The following FANCM variants were observed in gnomAD, a reference collection of about 807,000 sequenced individuals.
The protein encoded by FANCM is Fanconi anemia group M protein.
A neutral mutation model predicts 199.5 loss-of-function variants in FANCM; 140 were observed. That is an observed-to-expected ratio of 0.70 (90% confidence interval 0.61 to 0.81). The LOEUF is 0.81. Among genes scored for constraint, FANCM ranks in the 30% least tolerant of loss-of-function variants. The pLI is 0.00. For synonymous variants in FANCM, 840 were observed against 836.8 expected (o/e 1.00, Z -0.07); for missense variants, 2,410 against 2,421.4 (o/e 1.00, Z 0.10).
At chr14:45,166,833 A>T in intron 10 of FANCM, 117 bp from the exon 11 acceptor site, 1 of 682,210 alleles carries the variant, frequency 1.5e-6, no homozygotes, top group Non-Finnish European at 2.5e-6. Context: ...TAAGTATTTA[A>T]GTGGATCGGG....
intron 14 of FANCM, among the ~76,000 whole-genome samples, chr14:45,180,503 G>GTGGTGCAATCACGACTCACTGC (rs1888999509): frequency 6.6e-6 from 1 of 151,812 alleles, no homozygotes; most frequent in Non-Finnish European, 1.5e-5. Context: ...CTAGATTGTA[G>GTGGTGCAATCACGACTCACTGC]TGGTGCAATC....
rs750439394 is a variant in FANCM, at chr14:45,189,382, A to T, written c.5340+20A>T. On this transcript the variant is annotated intron_variant, in intron 20 of 22. Transcript: ENST00000267430. ...CAGAAGGTATGGATCAAAGAAAGGA[A>T]AAATATCTTTAGATGGTTACCAGAA... 6.5e-7 allele frequency: 1 copy of T among 1,547,522 alleles called. No homozygotes were observed. Among genetic ancestry groups the T allele is most frequent in the Non-Finnish European group, 8.9e-7 (1 of 1,119,724 alleles).
At chr14:45,198,247 A>C (rs1049136442) in intron 21 of FANCM, among the ~76,000 whole-genome samples, 1 of 152,208 alleles carries the variant, frequency 6.6e-6, no homozygotes, top group Non-Finnish European at 1.5e-5. Context: ...GATGATGTTA[A>C]AATGGGTGTA....
intron 20 of FANCM, chr14:45,195,642 C>G (rs1266058212): frequency 2.3e-6 from 1 of 437,082 alleles, no homozygotes; most frequent in Non-Finnish European, 4.6e-6. Flanking sequence ...TTTTTGACCT[C>G]GGTGCATTCC....
intron 16 of FANCM, among the ~76,000 whole-genome samples, chr14:45,182,437 G>A (rs1340411876): frequency 6.6e-6 from 1 of 152,240 alleles, no homozygotes; most frequent in Non-Finnish European, 1.5e-5. Context: ...AGTCCAGGAT[G>A]ACTCTGGTTT....
chr14:45,176,159 G>C lies in FANCM; in HGVS notation c.3405G>C (p.Leu1135=). 6.2e-7 allele frequency: 1 copy of C among 1,613,880 alleles called. No homozygotes were observed. The highest frequency in any genetic ancestry group is 8.5e-7 in the Non-Finnish European group (1 of 1,179,914). The change falls in exon 14 of 23, where the codon CTG becomes CTC. Residue 1135 remains leucine (L), a synonymous_variant. Transcript: ENST00000267430. The part of the protein sequence containing the change: ...VLSTDQDESL[L]LFEDVNTEFD... ...CCACTGATCAAGATGAAAGTTTGCT[G>C]TTATTTGAAGATGTTAATACAGAGT... is the stretch of plus-strand genomic sequence containing the variant.
chr14:45,172,245 C>CAA lies in FANCM; in HGVS notation c.2161-807_2161-806dup, dbSNP rs1305822948. On this transcript the variant is annotated intron_variant, in intron 12 of 22. Coordinates refer to ENST00000267430, the MANE Select transcript of FANCM (RefSeq NM_020937.4). ...TGGGTTGTCTGTTTACTCTGCTGTG[C>CAA]AAAAGCATTTAGTTTAATTTAGCCC... is the stretch of plus-strand genomic sequence containing the variant. Among the ~76,000 whole-genome samples, 4 of 152,234 alleles carry CAA rather than the reference C, an allele frequency of 2.6e-5. No homozygotes were observed. The East Asian group carries it at 7.7e-4, about 29-fold the overall frequency.
intron 4 of FANCM, 93 bp from the exon 5 acceptor site, chr14:45,151,304 A>G (rs936279193): frequency 4.9e-6 from 5 of 1,021,592 alleles, no homozygotes; most frequent in African/African-American, 1.6e-5. Context: ...ACTTTATTAA[A>G]TATATAATTC....
intron 20 of FANCM, 135 bp downstream of exon 20, chr14:45,189,497 C>A: frequency 1.5e-6 from 1 of 684,284 alleles, no homozygotes. Context: ...AAAATGTCTT[C>A]AAACAAGAAA....
rs1261770538 is a variant in FANCM, at chr14:45,170,664, G to A, written c.2078G>A (p.Arg693Lys). 7 of 1,603,860 alleles carry A rather than the reference G, an allele frequency of 4.4e-6. No homozygotes were observed. The South Asian group carries it at 7.7e-5, about 18-fold the overall frequency. ...EEFKLWNRLY[R>K]LRDSDEIKEI... Reference sequence around the variant, plus strand: ...TTTAAATTATGGAACAGACTTTATAGATTAAGGGACAGTGATGAAATTAAA... The same window carrying A: ...TTTAAATTATGGAACAGACTTTATAAATTAAGGGACAGTGATGAAATTAAA... The change falls in exon 12 of 23, where the codon AGA becomes AAA. Residue 693 changes from arginine (R) to lysine (K), a missense_variant. Coordinates refer to ENST00000267430, the MANE Select transcript of FANCM (RefSeq NM_020937.4).
chr14:45,137,265 TTTGTA>T, intron 2 of FANCM, 24 bp downstream of exon 2: 2 of 1,599,238 alleles, frequency 1.3e-6, no homozygotes, highest in Non-Finnish European at 1.7e-6. Flanking sequence ...TAAACGGTAT[TTTGTA>T]TTGTAACTGT....
intron 20 of FANCM, 53 bp from the exon 21 acceptor site, chr14:45,196,119 T>C: frequency 6.3e-7 from 1 of 1,598,634 alleles, no homozygotes; most frequent in Middle Eastern, 1.7e-4. Flanking sequence ...GAGACGTTTA[T>C]GGCATTTTTA....
At chr14:45,139,539 A>G (rs1885762065) in intron 2 of FANCM, among the ~76,000 whole-genome samples, 1 of 152,240 alleles carries the variant, frequency 6.6e-6, no homozygotes, top group South Asian at 2.1e-4. Flanking sequence ...CCCAGTATTA[A>G]TCATACTAGA....
rs1053161580 is a variant in FANCM at position 45,136,109 on chromosome 14, C to T, written c.78C>T (p.Ser26=). The T allele has an allele frequency of 6.2e-7, 1 of 1,614,112 alleles. No homozygotes were observed. The highest frequency in any genetic ancestry group is 8.5e-7 in the Non-Finnish European group (1 of 1,180,010). Residue 26 remains serine, a synonymous_variant, in exon 1 of 23, where the codon AGC becomes AGT. Coordinates refer to ENST00000267430, the MANE Select transcript of FANCM (RefSeq NM_020937.4). ...ISRSSGTPGC[S]SGTERPQSPG... The stretch of plus-strand genomic sequence containing the variant: ...GATCATCTGGGACTCCGGGTTGCAG[C>T]TCCGGAACTGAGCGACCTCAGAGCC...
intron 17 of FANCM, 130 bp downstream of exon 17, chr14:45,184,032 G>T (rs1889233299): frequency 1.1e-5 from 7 of 640,020 alleles, no homozygotes; most frequent in Middle Eastern, 4.3e-4. Context: ...CACCCATTTA[G>T]ATTTTTTTTA....
intron 11 of FANCM, among the ~76,000 whole-genome samples, chr14:45,169,026 A>G (rs1888166490): frequency 6.6e-6 from 1 of 151,984 alleles, no homozygotes; most frequent in East Asian, 1.9e-4. Context: ...GGTTCAAGCA[A>G]TTCTCCTGCC....
At chr14:45,170,541 T>G (rs1404227313) in intron 11 of FANCM, 48 bp from the exon 12 acceptor site, 2 of 1,420,438 alleles carry the variant, frequency 1.4e-6, no homozygotes, top group Non-Finnish European at 2.0e-6. Context: ...TTTTTTTGCT[T>G]TGCAGATTTT....
At position 45,189,030 on chromosome 14, in the gene FANCM, C is replaced by T. The variant is rs1594814972; in HGVS notation, c.5008C>T (p.Pro1670Ser). ...AAAGAAATTATCCAGAATTATTTTA[C>T]CAGATGATTCAAGTGAGGAGGAGAA... ...SKKKLSRIIL[P>S]DDSSEEENNV... Residue 1670 changes from proline to serine, a missense_variant, in exon 20 of 23, where the codon CCA (proline) becomes TCA (serine). Physicochemically the swap from Pro to Ser is moderately conservative, Grantham distance 74. Coordinates refer to ENST00000267430, the MANE Select transcript of FANCM (RefSeq NM_020937.4). 6.2e-7 allele frequency: 1 copy of T among 1,613,738 alleles called. No individual in the cohort carries two copies. Among genetic ancestry groups the T allele is most frequent in the East Asian group, 2.2e-5 (1 of 44,862 alleles).
intron 21 of FANCM, 98 bp from the exon 22 acceptor site, chr14:45,198,546 T>C (rs1890191364): frequency 1.3e-6 from 1 of 749,544 alleles, no homozygotes. Context: ...GTTTGCTCAA[T>C]GGTGTAGATC....
Sources: gnomAD v4.1 joint callset for allele counts (sites outside exome capture counted in the v4.1 genomes callset) on GRCh38, gnomAD v4.1.1 for gene constraint, MANE v1.5 for transcripts, NCBI Gene and HGNC (gene_info 2026-07-23, HGNC 2026-07-21) for gene names.